Variants in DGLUCY observed in about 807,000 individuals in gnomAD.
DGLUCY encodes D-glutamate cyclase, mitochondrial.
DGLUCY carries 58 observed loss-of-function variants against 58.5 expected under a neutral mutation model. The observed-to-expected ratio is 0.99, with a 90% CI of 0.80 to 1.23. The LOEUF is 1.23. Ranked by LOEUF, DGLUCY falls within the 50% of genes most tolerant of loss-of-function variation. DGLUCY has a pLI of 0.00. For missense variants in DGLUCY, 779 were observed against 784.7 expected (o/e 0.99, Z 0.09); for synonymous variants, 325 against 314.1 (o/e 1.03, Z -0.37).
At position 91,170,132 on chromosome 14, in the gene DGLUCY, G is replaced by A. The variant is rs760501322; in HGVS notation, c.387G>A (p.Glu129=). The A allele has an allele frequency of 1.9e-6, 3 of 1,613,216 alleles. No homozygotes were observed. In the Admixed American group the frequency reaches 5.0e-5, roughly 27 times the overall value. ...AFFLGCSFSL[E]EALEKAGLPR... ...TCCTGGGCTGCAGCTTCTCCCTGGA[G>A]GAGGCCTTGGAGAAAGCGGGGCTCC... Residue 129 remains glutamate, a synonymous_variant, in exon 5 of 14, where the codon GAG becomes GAA. Transcript: ENST00000256324.
chr14:91,093,482 A>G (rs925082153), intron 1 of DGLUCY, among the ~76,000 whole-genome samples: 1 of 152,152 alleles, frequency 6.6e-6, no homozygotes, highest in Non-Finnish European at 1.5e-5. Flanking sequence ...ATATGAATGA[A>G]CCTCAAAACA....
At position 91,134,105 on chromosome 14, in the gene DGLUCY, G is replaced by T. The variant is rs76115970; in HGVS notation, c.-82+19822G>T. ...CCCCAACCCCAACACACACCTGTCT[G>T]TTGCTCTTGTTTAAAAGCGATTTGT... On this transcript the variant is annotated intron_variant, in intron 1 of 13. Coordinates refer to ENST00000256324, the MANE Select transcript of DGLUCY (RefSeq NM_001102368.3). 2.6e-3 allele frequency among the ~76,000 whole-genome samples: 394 copies of T among 152,270 alleles called. 3 individuals are homozygous for T. Among genetic ancestry groups the T allele is most frequent in the African/African-American group, 9.1e-3 (377 of 41,544 alleles).
upstream of DGLUCY, among the ~76,000 whole-genome samples, chr14:91,109,978 C>T: frequency 6.6e-6 from 1 of 152,250 alleles, no homozygotes; most frequent in East Asian, 1.9e-4. Context: ...CAATTGCCTT[C>T]TCTTTTTGAA....
rs564997032 is a variant in DGLUCY, at chr14:91,061,713, T to C, written c.-82+1009T>C. Among the ~76,000 whole-genome samples the C allele has an allele frequency of 2.0e-5, 3 of 152,266 alleles. No individual in the cohort carries two copies. The East Asian group carries it at 5.8e-4, about 29-fold the overall frequency. On this transcript the variant is annotated intron_variant, in intron 1 of 4. Transcript: ENST00000521334. ...GAGAAGGCAAGGGTGGGTTAAGTGA[T>C]TGATAAGGTTAGATGAAAGTATGAT...
intron 1 of DGLUCY, among the ~76,000 whole-genome samples, chr14:91,065,856 A>C (rs2043810618): frequency 6.6e-6 from 1 of 152,140 alleles, no homozygotes; most frequent in Non-Finnish European, 1.5e-5. Flanking sequence ...AAATGAGGAA[A>C]AGTTGTTGAA....
chr14:91,160,279 T>G lies in DGLUCY; in HGVS notation c.-16T>G. On this transcript the variant is annotated 5_prime_UTR_variant, in exon 3 of 14. Transcript: ENST00000256324. ...TCCCTCACCCAGATTCTCTGCTACT[T>G]ATTCAAGTTGACACGATGCCCTTCA... 1 of 1,593,362 alleles carries G rather than the reference T, an allele frequency of 6.3e-7. No homozygotes were observed. Among genetic ancestry groups the G allele is most frequent in the Non-Finnish European group, 8.6e-7 (1 of 1,161,484 alleles).
chr14:91,180,855 T>C (rs887906295), intron 7 of DGLUCY, among the ~76,000 whole-genome samples: 3 of 152,228 alleles, frequency 2.0e-5, no homozygotes, highest in Non-Finnish European at 4.4e-5. Context: ...CTTCATGAGT[T>C]TTAAGAATCC....
chr14:91,124,708 A>G (rs746679775), intron 1 of DGLUCY, among the ~76,000 whole-genome samples: 50 of 152,230 alleles, frequency 3.3e-4, no homozygotes, highest in Non-Finnish European at 6.8e-4. Context: ...TACTTGAGAC[A>G]TCAGTAAAAA....
intron 1 of DGLUCY, among the ~76,000 whole-genome samples, chr14:91,127,053 CTTT>C (rs11407228): frequency 1.0e-5 from 1 of 98,368 alleles, no homozygotes; most frequent in Non-Finnish European, 1.9e-5. Flanking sequence ...TGATGATACT[CTTT>C]TTTTTTTTTT....
At chr14:91,206,022 T>C (rs1318390876) in intron 12 of DGLUCY, among the ~76,000 whole-genome samples, 1 of 151,518 alleles carries the variant, frequency 6.6e-6, no homozygotes, top group Non-Finnish European at 1.5e-5. Context: ...GTATTTTTAG[T>C]AGAGATAGGG....
intron 13 of DGLUCY, chr14:91,220,674 C>A (rs1346711592): frequency 8.8e-6 from 4 of 456,164 alleles, no homozygotes; most frequent in Non-Finnish European, 1.8e-5. Flanking sequence ...CCGGTCCAGG[C>A]AGCCAGCTCT....
chr14:91,215,177 A>G (rs1886318256), intron 12 of DGLUCY, among the ~76,000 whole-genome samples: 2 of 152,152 alleles, frequency 1.3e-5, no homozygotes, highest in South Asian at 4.1e-4. Flanking sequence ...ATAAATAAAT[A>G]CAAATAAAGA....
At chr14:91,109,846 C>T (rs1566943791), upstream of DGLUCY, among the ~76,000 whole-genome samples, 1 of 152,158 alleles carries the variant, frequency 6.6e-6, no homozygotes, top group African/African-American at 2.4e-5. Flanking sequence ...ACATTCAGTC[C>T]ATAATATTCC....
chr14:91,153,193 A>T (rs2047417000), intron 1 of DGLUCY, among the ~76,000 whole-genome samples: 1 of 151,806 alleles, frequency 6.6e-6, no homozygotes, highest in Admixed American at 6.6e-5. Flanking sequence ...TTACTTATTT[A>T]TTTATTATAG....
At chr14:91,130,305 CT>C (rs1187190275) in intron 1 of DGLUCY, among the ~76,000 whole-genome samples, 67 of 137,216 alleles carry the variant, frequency 4.9e-4, no homozygotes, top group Non-Finnish European at 4.8e-4. Flanking sequence ...CTTTTCTTTT[CT>C]TTTTTTTTTT....
intron 1 of DGLUCY, among the ~76,000 whole-genome samples, chr14:91,120,179 C>T (rs2045263008): frequency 1.3e-5 from 2 of 152,136 alleles, no homozygotes; most frequent in African/African-American, 4.8e-5. Flanking sequence ...CTCAGCCACG[C>T]AAAAGCTGAT....
chr14:91,139,539 G>T (rs2046531471), intron 1 of DGLUCY, among the ~76,000 whole-genome samples: 1 of 152,130 alleles, frequency 6.6e-6, no homozygotes, highest in Non-Finnish European at 1.5e-5. Flanking sequence ...ACAAAAATGA[G>T]CTGGATGTGG....
intron 1 of DGLUCY, among the ~76,000 whole-genome samples, chr14:91,150,306 G>A (rs1034832912): frequency 2.6e-5 from 4 of 150,978 alleles, no homozygotes; most frequent in Non-Finnish European, 5.9e-5. Context: ...GCGCCTTCCT[G>A]TGGAGCTGGA....
chr14:91,161,097 G>C (rs1375264810), intron 3 of DGLUCY, among the ~76,000 whole-genome samples: 1 of 152,124 alleles, frequency 6.6e-6, no homozygotes, highest in African/African-American at 2.4e-5. Context: ...ACGTAGTCTC[G>C]CTCTGTCGCC....
Sources: allele counts gnomAD v4.1 joint callset (sites outside exome capture counted in the v4.1 genomes callset), GRCh38; gene constraint gnomAD v4.1.1; transcripts MANE v1.5; gene names NCBI Gene and HGNC (gene_info 2026-07-23, HGNC 2026-07-21).